TLN2: variants seen among roughly 807,000 people sequenced by gnomAD.
The protein encoded by TLN2 is talin 2.
TLN2 carries 118 observed loss-of-function variants against 294.7 expected under a neutral mutation model. The observed-to-expected ratio is 0.40, with a 90% CI of 0.34 to 0.47. The LOEUF is 0.47. Ranked by LOEUF, TLN2 falls within the 20% of genes least tolerant of loss-of-function variation. TLN2 has a pLI of 0.84. For synonymous variants in TLN2, 1,431 were observed against 1,304.5 expected, an observed-to-expected ratio of 1.10 and a Z score of -2.09; for missense variants, 3,083 against 3,282.2, an observed-to-expected ratio of 0.94 and a Z score of 1.48.
At chr15:62,759,540 T>C (rs984272531) in intron 37 of TLN2, among the ~76,000 whole-genome samples, 1 of 152,216 alleles carries the variant, frequency 6.6e-6, no homozygotes, top group African/African-American at 2.4e-5. Context: ...TTGTCATCTT[T>C]TTAGTCTGAA....
chr15:62,569,194 C>CAGGA (rs1474229850), intron 1 of TLN2, among the ~76,000 whole-genome samples: 1 of 152,184 alleles, frequency 6.6e-6, no homozygotes, highest in African/African-American at 2.4e-5. Flanking sequence ...CTGTGTAATC[C>CAGGA]AGGATGCTCT....
At chr15:62,570,903 C>G (rs1362929088) in intron 1 of TLN2, among the ~76,000 whole-genome samples, 1 of 143,834 alleles carries the variant, frequency 7.0e-6, no homozygotes, top group Admixed American at 7.0e-5. Flanking sequence ...GCACAGGCAT[C>G]TGTGTGTGTG....
chr15:62,550,281 T>C (rs1436022979), intron 1 of TLN2, among the ~76,000 whole-genome samples: 1 of 152,060 alleles, frequency 6.6e-6, no homozygotes, highest in Non-Finnish European at 1.5e-5. Context: ...TTTGCAGAGA[T>C]GAGCTAAAAC....
intron 23 of TLN2, 61 bp downstream of exon 23, chr15:62,716,520 A>C: frequency 6.5e-7 from 1 of 1,532,860 alleles, no homozygotes; most frequent in Admixed American, 2.2e-5. Flanking sequence ...TTATTTGAAA[A>C]GATAGTTGAA....
chr15:62,672,046 G>A (rs2055493269), intron 9 of TLN2, among the ~76,000 whole-genome samples: 1 of 152,126 alleles, frequency 6.6e-6, no homozygotes. Flanking sequence ...ATTGGGTTTA[G>A]ATGTTATCAA....
chr15:62,617,622 C>T (rs908443137), intron 2 of TLN2, among the ~76,000 whole-genome samples: 3 of 152,186 alleles, frequency 2.0e-5, no homozygotes, highest in Non-Finnish European at 4.4e-5. Context: ...GGCCTCATCC[C>T]CGCTTTCACC....
chr15:62,435,308 T>C (rs930393775), intron 1 of TLN2, among the ~76,000 whole-genome samples: 1 of 152,222 alleles, frequency 6.6e-6, no homozygotes, highest in African/African-American at 2.4e-5. Context: ...GGTCAAATGG[T>C]ATTTCTGCCT....
intron 1 of TLN2, among the ~76,000 whole-genome samples, chr15:62,537,260 C>T (rs1456500405): frequency 6.6e-6 from 1 of 152,166 alleles, no homozygotes; most frequent in Non-Finnish European, 1.5e-5. Context: ...CGTGATCCGC[C>T]CACCTCTGCC....
At chr15:62,528,363 G>A (rs964481658) in intron 1 of TLN2, among the ~76,000 whole-genome samples, 1 of 151,010 alleles carries the variant, frequency 6.6e-6, no homozygotes, top group Non-Finnish European at 1.5e-5. Context: ...GATTGATTAA[G>A]TGAATTTAAG....
At chr15:62,452,584 G>A (rs2036224695) in intron 1 of TLN2, among the ~76,000 whole-genome samples, 1 of 152,058 alleles carries the variant, frequency 6.6e-6, no homozygotes, top group Admixed American at 6.6e-5. Flanking sequence ...AACTGAAACT[G>A]CCCATTACTG....
intron 12 of TLN2, among the ~76,000 whole-genome samples, chr15:62,690,959 C>T (rs1276403267): frequency 6.7e-6 from 1 of 149,534 alleles, no homozygotes; most frequent in Non-Finnish European, 1.5e-5. Context: ...GCCGAGATGG[C>T]AGCAGTACAG....
intron 40 of TLN2, among the ~76,000 whole-genome samples, chr15:62,764,930 T>G (rs1386804068): frequency 2.0e-5 from 3 of 148,836 alleles, no homozygotes; most frequent in East Asian, 2.0e-4. Context: ...GAGATCACAC[T>G]GCCGCCCTTA....
chr15:62,709,240 A>G (rs572687425), intron 21 of TLN2, among the ~76,000 whole-genome samples: 17 of 152,286 alleles, frequency 1.1e-4, no homozygotes, highest in African/African-American at 3.8e-4. Flanking sequence ...GACAGAGGCA[A>G]GGGGAGGGCC....
chr15:62,739,634 A>G, intron 31 of TLN2, 89 bp downstream of exon 31: 1 of 1,482,924 alleles, frequency 6.7e-7, no homozygotes, highest in Non-Finnish European at 9.2e-7. Context: ...ACAAATAGGA[A>G]AAGGAACCTG....
In TLN2 at chr15:62,625,194, A is replaced by C. The variant is rs546629335; in HGVS notation, c.-37+6719A>C. ...TGTGGGGCTTGGTTCTTCACTACTG[A>C]ATGTGCACATGGGGCTTCAGACTAT... On this transcript the variant is annotated intron_variant, in intron 3 of 58. Transcript: ENST00000636159. Among the ~76,000 whole-genome samples the C allele has an allele frequency of 2.0e-5, 3 of 152,140 alleles. No individual in the cohort carries two copies. The South Asian group carries it at 6.2e-4, about 32-fold the overall frequency.
intron 54 of TLN2, among the ~76,000 whole-genome samples, chr15:62,826,624 GTT>G (rs2068225753): frequency 6.6e-6 from 1 of 152,194 alleles, no homozygotes; most frequent in African/African-American, 2.4e-5. Context: ...CCTTTGCACA[GTT>G]TGGGGCTTTG....
chr15:62,784,559 T>G (rs1378858973), intron 45 of TLN2: 2 of 152,330 alleles, frequency 1.3e-5, no homozygotes, highest in African/African-American at 4.8e-5. Flanking sequence ...TCTCTCATAC[T>G]TCTAATGGGG....
chr15:62,506,217 T>G (rs1327848320), intron 1 of TLN2, among the ~76,000 whole-genome samples: 1 of 152,148 alleles, frequency 6.6e-6, no homozygotes, highest in Non-Finnish European at 1.5e-5. Context: ...AAATCATTTG[T>G]GTGTTGCAGG....
At chr15:62,546,717 C>G (rs1047741188) in intron 1 of TLN2, among the ~76,000 whole-genome samples, 5 of 152,190 alleles carry the variant, frequency 3.3e-5, no homozygotes, top group African/African-American at 1.2e-4. Context: ...TGGTCAGTGG[C>G]CACACAGCGA....
Sources: gnomAD v4.1 joint callset for allele counts (sites outside exome capture counted in the v4.1 genomes callset) on GRCh38, gnomAD v4.1.1 for gene constraint, MANE v1.5 for transcripts, NCBI Gene and HGNC (gene_info 2026-07-23, HGNC 2026-07-21) for gene names.